Variants in GYPB observed in about 807,000 individuals in gnomAD.
GYPB encodes glycophorin-B.
GYPB carries 13 observed loss-of-function variants against 15.3 expected under a neutral mutation model. The ratio of observed to expected loss-of-function variants is 0.85; its 90% CI spans 0.55 to 1.35. The LOEUF is 1.35. Among genes scored for constraint, GYPB ranks in the 40% most tolerant of loss-of-function variants. GYPB has a pLI of 0.00. For missense variants in GYPB, 131 were observed against 108.3 expected (o/e 1.21, Z -0.93); for synonymous variants, 38 against 36.9 (o/e 1.03, Z -0.11).
chr4:143,995,467 A>T (rs3926624), downstream of GYPB, among the ~76,000 whole-genome samples: 2 of 150,716 alleles, frequency 1.3e-5, no homozygotes, highest in Non-Finnish European at 2.9e-5. Context: ...GGTGTGTACT[A>T]GAAGAGGAAA....
chr4:144,005,739 A>G lies in GYPB; in HGVS notation c.38-4456T>C, dbSNP rs1269643966. 2.3e-4 allele frequency among the ~76,000 whole-genome samples: 35 copies of G among 151,872 alleles called. 1 individual carries two copies. The highest frequency in any genetic ancestry group is 4.3e-4 in the Non-Finnish European group (29 of 68,040). On this transcript the variant is annotated intron_variant, in intron 1 of 4. Coordinates refer to ENST00000502664, the MANE Select transcript of GYPB (RefSeq NM_002100.6). ...CCAGCATCTGGCTACCCAGGAATAG[A>G]CAGACCTTGTGCCAACACTGCACAT... is the stretch of plus-strand genomic sequence containing the variant.
chr4:143,996,748 G>A (rs1262678060), intron 4 of GYPB, among the ~76,000 whole-genome samples: 1 of 147,548 alleles, frequency 6.8e-6, no homozygotes, highest in Non-Finnish European at 1.5e-5. Context: ...CTCGAGCCTG[G>A]GTGACAGAGG....
At chr4:144,014,190 C>G (rs141244340) in intron 1 of GYPB, among the ~76,000 whole-genome samples, 2,008 of 151,904 alleles carry the variant, frequency 0.013, 135 homozygotes, top group African/African-American at 0.046. Flanking sequence ...AAGAGTTGAG[C>G]AGTTCCTTAG....
At chr4:144,009,318 A>T (rs541730887) in intron 1 of GYPB, among the ~76,000 whole-genome samples, 20 of 151,254 alleles carry the variant, frequency 1.3e-4, no homozygotes, top group African/African-American at 4.4e-4. Flanking sequence ...AAGTTTTTCA[A>T]ATTGTCTGTT....
intron 1 of GYPB, chr4:144,008,375 T>C (rs1380422921): frequency 4.4e-6 from 2 of 455,138 alleles, no homozygotes; most frequent in African/African-American, 4.1e-5. Context: ...TGAAGAGATA[T>C]AAAGATAATA....
chr4:144,003,261 G>A (rs1349410374), intron 1 of GYPB, among the ~76,000 whole-genome samples: 1 of 151,206 alleles, frequency 6.6e-6, no homozygotes. Context: ...TTTTATTTAG[G>A]GAAAATCACT....
chr4:143,997,627 T>C lies in GYPB; in HGVS notation c.183A>G (p.Val61=), dbSNP rs1373640677. The C allele has an allele frequency of 1.3e-6, 2 of 1,551,556 alleles. No homozygotes were observed. Among genetic ancestry groups the C allele is most frequent in the Non-Finnish European group, 1.8e-6 (2 of 1,125,670 alleles). ...LVHRFTVPAP[V]VIILIILCVM... is the part of the protein sequence containing the mutation. ...CACACAAAATAATGAGTATTATCAC[T>C]ACAGGAGCTAAAGAGAGCAGCAAAA... The change falls in exon 4 of 5, where the codon GTA becomes GTG. Residue 61 remains valine (V), a synonymous_variant. Coordinates refer to ENST00000502664, the MANE Select transcript of GYPB (RefSeq NM_002100.6).
intron 1 of GYPB, among the ~76,000 whole-genome samples, chr4:144,009,698 C>G (rs1728116319): frequency 6.9e-6 from 1 of 144,470 alleles, no homozygotes; most frequent in Non-Finnish European, 1.5e-5. Flanking sequence ...ACTGCAAACT[C>G]CGCCTCCCGG....
chr4:144,009,006 G>T (rs150613913), intron 1 of GYPB, among the ~76,000 whole-genome samples: 2,052 of 151,480 alleles, frequency 0.014, 162 homozygotes, highest in African/African-American at 0.048. Flanking sequence ...CTACAGTATG[G>T]GATATTAGCC....
intron 4 of GYPB, among the ~76,000 whole-genome samples, chr4:143,997,029 C>T (rs1284987130): frequency 2.0e-5 from 3 of 150,926 alleles, no homozygotes; most frequent in East Asian, 1.9e-4. Context: ...ACTTCAGCCC[C>T]CTGAATAGCT....
At chr4:143,995,981 C>T (rs1727289533), downstream of GYPB, 1 of 373,544 alleles carries the variant, frequency 2.7e-6, no homozygotes, top group Non-Finnish European at 4.6e-6. Flanking sequence ...CTTCATTCCC[C>T]TTCTGCATGT....
rs758532624 is a variant in GYPB, at chr4:143,997,634, G to A, written c.176C>T (p.Ala59Val). ...GQLVHRFTVP[A>V]PVVIILIILC... ...AATAATGAGTATTATCACTACAGGA[G>A]CTAAAGAGAGCAGCAAAATTATGAA... Residue 59 changes from alanine (A) to valine (V), a missense_variant and splice_region_variant, in exon 4 of 5, where the codon GCT becomes GTT. Ala to Val is a moderately conservative substitution (Grantham distance 64). Transcript: ENST00000502664. 18 of 1,476,016 alleles carry A rather than the reference G, an allele frequency of 1.2e-5. No individual in the cohort carries two copies. The highest frequency in any genetic ancestry group is 1.6e-5 in the Non-Finnish European group (17 of 1,056,890). The allele number at this position is 1,476,016 out of a possible 1,614,324, so 91.4% of individuals were successfully genotyped here.
At chr4:144,007,159 T>C (rs1374563786) in intron 1 of GYPB, among the ~76,000 whole-genome samples, 1 of 150,974 alleles carries the variant, frequency 6.6e-6, no homozygotes, top group African/African-American at 2.5e-5. Flanking sequence ...TTAGAAAAAT[T>C]GAACTTAAGG....
intron 1 of GYPB, 88 bp from the exon 2 acceptor site, chr4:144,001,371 C>T: frequency 6.2e-7 from 1 of 1,604,696 alleles, no homozygotes; most frequent in Non-Finnish European, 8.5e-7. Flanking sequence ...ATTCCTCTCA[C>T]ATCCCTCCAG....
In GYPB at chr4:144,010,689, C is replaced by T. The variant is rs1210212194; in HGVS notation, c.37+8562G>A. Among the ~76,000 whole-genome samples, 17 of 151,188 alleles carry T rather than the reference C, an allele frequency of 1.1e-4. 1 individual carries two copies. The highest frequency in any genetic ancestry group is 4.2e-4 in the African/African-American group (17 of 40,520). ...CTATCTGAATACCTGGCTGCCAGAT[C>T]AATAGCGTATGACATACCTGAAATG... On this transcript the variant is annotated intron_variant, in intron 1 of 4. Coordinates refer to ENST00000502664, the MANE Select transcript of GYPB (RefSeq NM_002100.6).
At chr4:144,006,971 G>A (rs1436028135) in intron 1 of GYPB, among the ~76,000 whole-genome samples, 1 of 150,628 alleles carries the variant, frequency 6.6e-6, no homozygotes, top group Non-Finnish European at 1.5e-5. Context: ...GTTTGAAGAA[G>A]ACTGTTCCCA....
chr4:144,005,341 TTCTCTAATGTTTTAG>T (rs1476618058), intron 1 of GYPB, among the ~76,000 whole-genome samples: 3 of 151,938 alleles, frequency 2.0e-5, no homozygotes, highest in Non-Finnish European at 4.4e-5. Flanking sequence ...TCAGCAAGAT[TTCTCTAATGTTTTAG>T]TATATTAGTC....
intron 4 of GYPB, chr4:143,997,333 C>T (rs1727375824): frequency 8.8e-6 from 4 of 452,476 alleles, no homozygotes; most frequent in South Asian, 5.0e-5. Flanking sequence ...GGGGGACAGA[C>T]TTATATTTAG....
chr4:143,998,302 A>G (rs1727431629), intron 3 of GYPB, among the ~76,000 whole-genome samples: 1 of 151,532 alleles, frequency 6.6e-6, no homozygotes, highest in East Asian at 1.9e-4. Context: ...TAAGTAAGAG[A>G]TATTTCCATA....
Sources: allele counts gnomAD v4.1 joint callset (sites outside exome capture counted in the v4.1 genomes callset), GRCh38; gene constraint gnomAD v4.1.1; transcripts MANE v1.5; gene names NCBI Gene and HGNC (gene_info 2026-07-23, HGNC 2026-07-21).